TGFBRAP1: variants seen among roughly 807,000 people sequenced by gnomAD.
TGFBRAP1 encodes transforming growth factor-beta receptor-associated protein 1.
Under a neutral mutation model 83.2 loss-of-function variants are expected in TGFBRAP1, and 20 were observed. That is an observed-to-expected ratio of 0.24 (90% CI 0.17 to 0.35). TGFBRAP1 has a LOEUF of 0.35. TGFBRAP1 is among the 10% of genes least tolerant of loss of function. The pLI, the probability that TGFBRAP1 is intolerant of heterozygous loss-of-function variation, is 1.00. For synonymous variants in TGFBRAP1, 415 were observed against 459.8 expected, an observed-to-expected ratio of 0.90 and a Z score of 1.25; for missense variants, 950 against 1,099.4, an observed-to-expected ratio of 0.86 and a Z score of 1.92.
intron 11 of TGFBRAP1, chr2:105,267,917 A>G: frequency 1.0e-6 from 1 of 977,948 alleles, no homozygotes; most frequent in Non-Finnish European, 1.2e-6. Flanking sequence ...ACCATATAAT[A>G]GTGTAACTCC....
chr2:105,262,637 CAAG>C (rs1242306755), downstream of TGFBRAP1, among the ~76,000 whole-genome samples: 5 of 152,204 alleles, frequency 3.3e-5, no homozygotes, highest in Non-Finnish European at 5.9e-5. Context: ...GTCAGAGCCC[CAAG>C]AAGCCCACGC....
chr2:105,262,299 AGAGT>A (rs1256205073), downstream of TGFBRAP1, among the ~76,000 whole-genome samples: 1 of 152,144 alleles, frequency 6.6e-6, no homozygotes, highest in African/African-American at 2.4e-5. Context: ...CCCGTGGTAA[AGAGT>A]GAGTTCTCAC....
chr2:105,269,223 A>C lies in TGFBRAP1; in HGVS notation c.2406+49T>G. On this transcript the variant is annotated intron_variant, in intron 11 of 11. Coordinates refer to ENST00000393359, the MANE Select transcript of TGFBRAP1 (RefSeq NM_004257.6). The surrounding 1 kb of genome is among the most constrained non-coding windows in gnomAD (Gnocchi z 4.1). ...TTTTCCATCAGTAAAATCTACCTTC[A>C]GTACAATGTTGACTGACCAGGAAGC... 1 of 1,508,366 alleles carries C rather than the reference A, an allele frequency of 6.6e-7. No individual in the cohort carries two copies. The highest frequency in any genetic ancestry group is 8.9e-7 in the Non-Finnish European group (1 of 1,125,652). 93.4% of individuals were successfully genotyped at this position (1,508,366 alleles called of 1,614,324 possible).
In TGFBRAP1 at chr2:105,329,664, G is replaced by A. The variant is rs1679319282; in HGVS notation, c.-57C>T. The A allele has an allele frequency of 6.8e-6, 1 of 146,648 alleles. No individual in the cohort carries two copies. Among genetic ancestry groups the A allele is most frequent in the Non-Finnish European group, 1.5e-5 (1 of 65,684 alleles). 9.1% of individuals were successfully genotyped at this position (146,648 alleles called of 1,614,324 possible). A position where few individuals can be genotyped will look rare whatever the true frequency, so the allele number is the denominator to read the frequency against. On this transcript the variant is annotated 5_prime_UTR_variant, in exon 1 of 12. Coordinates refer to ENST00000393359, the MANE Select transcript of TGFBRAP1 (RefSeq NM_004257.6). The stretch of plus-strand genomic sequence containing the variant: ...GCCGTCCCGCGCCGCCCCGCGGCCT[G>A]GGGCCCCGCCGCCCCGCTCCGGCCC...
intron 5 of TGFBRAP1, 46 bp from the exon 6 acceptor site, chr2:105,280,769 T>G (rs376202176): frequency 1.3e-6 from 2 of 1,553,994 alleles, no homozygotes; most frequent in Middle Eastern, 1.7e-4. Context: ...GAGAGAAGAG[T>G]ACACATAGGC....
chr2:105,284,787 A>G (rs1677659037), intron 4 of TGFBRAP1, among the ~76,000 whole-genome samples: 2 of 152,172 alleles, frequency 1.3e-5, no homozygotes, highest in South Asian at 4.1e-4. Context: ...CTCAGAGCAC[A>G]GGGCCGACTC....
intron 11 of TGFBRAP1, 111 bp from the exon 12 acceptor site, chr2:105,267,670 G>T: frequency 1.3e-6 from 2 of 1,507,192 alleles, no homozygotes; most frequent in Non-Finnish European, 1.8e-6. Flanking sequence ...TTATTATTAT[G>T]ATGAGGATTT....
At chr2:105,311,934 C>A (rs1434241072) in intron 1 of TGFBRAP1, among the ~76,000 whole-genome samples, 1 of 151,856 alleles carries the variant, frequency 6.6e-6, no homozygotes, top group Non-Finnish European at 1.5e-5. Flanking sequence ...ATTTAAAAAA[C>A]TATTTTTTTT....
At chr2:105,254,218 A>C in the TGFBRAP1 span, among the ~76,000 whole-genome samples, 14 of 152,334 alleles carry the variant, frequency 9.2e-5, no homozygotes, top group East Asian at 2.5e-3. Context: ...TCAGAAAGTT[A>C]GTGTCAAGTT....
the TGFBRAP1 span, among the ~76,000 whole-genome samples, chr2:105,252,897 G>A: frequency 3.5e-5 from 5 of 144,296 alleles, no homozygotes; most frequent in African/African-American, 1.3e-4. Context: ...GGACTACAGG[G>A]GTCCACCACC....
intron 1 of TGFBRAP1, among the ~76,000 whole-genome samples, chr2:105,313,819 T>C (rs949682552): frequency 4.6e-5 from 7 of 151,836 alleles, no homozygotes; most frequent in Admixed American, 4.6e-4. Context: ...TTCAAAAGAT[T>C]CAGAAAAAGC....
chr2:105,323,027 C>A (rs1047579164), intron 1 of TGFBRAP1, among the ~76,000 whole-genome samples: 1 of 152,104 alleles, frequency 6.6e-6, no homozygotes, highest in African/African-American at 2.4e-5. Context: ...GAGGACTCAG[C>A]CAAAAGCAAA....
In TGFBRAP1 at chr2:105,269,795, G is replaced by A; in HGVS notation, c.1973-90C>T. Reference sequence around the variant, plus strand: ...CTCCTTGCTGCTCTGGGCTTCAGGAGGGGAAAAGTCAACCTGGCTCCCTCA... The same window carrying A: ...CTCCTTGCTGCTCTGGGCTTCAGGAAGGGAAAAGTCAACCTGGCTCCCTCA... On this transcript the variant is annotated intron_variant, in intron 10 of 11. Transcript: ENST00000393359. The surrounding 1 kb of genome is among the most constrained non-coding windows in gnomAD (Gnocchi z 4.1). 7.3e-7 allele frequency: 1 copy of A among 1,375,366 alleles called. No homozygotes were observed. Among genetic ancestry groups the A allele is most frequent in the South Asian group, 1.6e-5 (1 of 61,556 alleles). 85.2% of individuals were successfully genotyped at this position (1,375,366 alleles called of 1,614,324 possible). A position where few individuals can be genotyped will look rare whatever the true frequency, so the allele number is the denominator to read the frequency against.
At chr2:105,252,653 C>G in the TGFBRAP1 span, among the ~76,000 whole-genome samples, 5 of 152,138 alleles carry the variant, frequency 3.3e-5, no homozygotes, top group Non-Finnish European at 7.3e-5. Context: ...GCCTGCATGT[C>G]CTCTTCATTC....
At chr2:105,317,557 A>G (rs896202506) in intron 1 of TGFBRAP1, among the ~76,000 whole-genome samples, 5 of 152,236 alleles carry the variant, frequency 3.3e-5, no homozygotes, top group African/African-American at 9.6e-5. Flanking sequence ...AGCATGAAAA[A>G]ATATTCTCAT....
rs532559523 is a variant in TGFBRAP1, at chr2:105,313,693, C to T, written c.-17-5375G>A. Among the ~76,000 whole-genome samples, 6 of 152,074 alleles carry T rather than the reference C, an allele frequency of 3.9e-5. No homozygotes were observed. The South Asian group carries it at 1.0e-3, about 26-fold the overall frequency. On this transcript the variant is annotated intron_variant, in intron 1 of 11. Transcript: ENST00000393359. Reference sequence around the variant, plus strand: ...TGCAAAAACACTAAATATTAGCACACGAAATCCACAAATATATATTAAAAA... The same window carrying T: ...TGCAAAAACACTAAATATTAGCACATGAAATCCACAAATATATATTAAAAA...
chr2:105,275,408 G>A (rs1677304741), intron 8 of TGFBRAP1, 152 bp downstream of exon 8: 1 of 1,253,192 alleles, frequency 8.0e-7, no homozygotes, highest in Non-Finnish European at 1.1e-6. Flanking sequence ...GAGCTCAAGG[G>A]AAGGTATTAA....
chr2:105,267,973 A>C, intron 11 of TGFBRAP1: 1 of 785,174 alleles, frequency 1.3e-6, no homozygotes. Flanking sequence ...ACAAACAAAT[A>C]AGGGATGTAG....
At chr2:105,315,542 A>C (rs1018473296) in intron 1 of TGFBRAP1, among the ~76,000 whole-genome samples, 2 of 152,246 alleles carry the variant, frequency 1.3e-5, no homozygotes, top group African/African-American at 4.8e-5. Flanking sequence ...AACATTTTTA[A>C]AATGGGCAAA....
Sources: gnomAD v4.1 joint callset for allele counts (sites outside exome capture counted in the v4.1 genomes callset) on GRCh38, gnomAD v4.1.1 for gene constraint, Gnocchi (gnomAD v3.1) non-coding constraint, MANE v1.5 for transcripts, NCBI Gene and HGNC (gene_info 2026-07-23, HGNC 2026-07-21) for gene names.